Variants in B4GALT4 observed in about 807,000 individuals in gnomAD.
The protein encoded by B4GALT4 is N-acetyllactosamine synthase.
In B4GALT4, 27 loss-of-function variants were observed where a neutral mutation model predicts 37.3. The observed-to-expected ratio is 0.72, with a 90% CI of 0.53 to 1.00. The LOEUF (loss-of-function observed/expected upper bound fraction) is 1.00. Ranked by LOEUF, B4GALT4 falls within the 50% of genes least tolerant of loss-of-function variation. The probability of loss-of-function intolerance (pLI) is 0.00; values close to 1 mark genes in which losing one functional copy is unlikely to be tolerated. For missense variants in B4GALT4, 372 were observed against 413.1 expected, an observed-to-expected ratio of 0.90 and a Z score of 0.86; for synonymous variants, 148 against 154.1, an observed-to-expected ratio of 0.96 and a Z score of 0.29.
intron 5 of B4GALT4, among the ~76,000 whole-genome samples, chr3:119,222,819 T>G (rs1446136250): frequency 6.6e-6 from 1 of 152,200 alleles, no homozygotes; most frequent in Non-Finnish European, 1.5e-5. Flanking sequence ...CCCTTCAAGG[T>G]GTTTCTTAAA....
intron 3 of B4GALT4, among the ~76,000 whole-genome samples, chr3:119,228,136 T>C (rs1402685514): frequency 1.3e-5 from 2 of 152,236 alleles, no homozygotes. Flanking sequence ...ATGGGGTAGC[T>C]GTTGAGATGG....
chr3:119,238,634 C>G (rs2079056538), intron 1 of B4GALT4, among the ~76,000 whole-genome samples: 1 of 152,098 alleles, frequency 6.6e-6, no homozygotes, highest in African/African-American at 2.4e-5. Context: ...TTATTCATCT[C>G]TTACTGTGCC....
chr3:119,225,203 C>T (rs2078570960), intron 4 of B4GALT4, among the ~76,000 whole-genome samples: 1 of 152,164 alleles, frequency 6.6e-6, no homozygotes, highest in African/African-American at 2.4e-5. Flanking sequence ...TAAAAGAACA[C>T]AGTTTGACCT....
intron 1 of B4GALT4, among the ~76,000 whole-genome samples, chr3:119,238,386 G>A (rs1012300547): frequency 6.6e-6 from 1 of 151,878 alleles, no homozygotes; most frequent in East Asian, 1.9e-4. Flanking sequence ...ACAGTATTAG[G>A]AGAAAACTTC....
chr3:119,236,152 C>T (rs1419237495), intron 2 of B4GALT4: 1 of 152,126 alleles, frequency 6.6e-6, no homozygotes, highest in African/African-American at 2.4e-5. Context: ...CAATCGCTCA[C>T]CACAAGTTCA....
chr3:119,220,971 G>A (rs1222377873), intron 5 of B4GALT4, among the ~76,000 whole-genome samples: 2 of 149,404 alleles, frequency 1.3e-5, no homozygotes, highest in African/African-American at 2.5e-5. Flanking sequence ...GGGCAACAGA[G>A]TGAGACTCTG....
intron 1 of B4GALT4, among the ~76,000 whole-genome samples, chr3:119,239,655 G>A (rs1428455595): frequency 6.6e-6 from 1 of 152,140 alleles, no homozygotes; most frequent in Non-Finnish European, 1.5e-5. Flanking sequence ...AGATTATGTA[G>A]TCAAACAGTT....
intron 1 of B4GALT4, among the ~76,000 whole-genome samples, chr3:119,239,772 C>A (rs7637021): frequency 0.28 from 42,207 of 151,902 alleles, 5,995 homozygotes; most frequent in Non-Finnish European, 0.28. Flanking sequence ...CCATAAAGAA[C>A]AAACCTGCTC....
In B4GALT4 at chr3:119,212,381, T is replaced by C; in HGVS notation, c.*168A>G. ...GAAAGCTGTCTTGTTACAACTGTTT[T>C]ATACTCTACATCACCAGGAGCTCTG... is the stretch of plus-strand genomic sequence containing the variant. On this transcript the variant is annotated 3_prime_UTR_variant, in exon 8 of 8. Transcript: ENST00000393765. The C allele has an allele frequency of 1.5e-6, 1 of 667,640 alleles. No individual in the cohort carries two copies. The highest frequency in any genetic ancestry group is 2.6e-6 in the Non-Finnish European group (1 of 392,090). 41.4% of individuals were successfully genotyped at this position (667,640 alleles called of 1,614,324 possible).
At chr3:119,240,354 G>C (rs2079116498) in intron 1 of B4GALT4, 1 of 152,218 alleles carries the variant, frequency 6.6e-6, no homozygotes. Flanking sequence ...TAATCCAGGT[G>C]ACCAACCCCT....
rs1460206603 is a variant in B4GALT4 at position 119,216,317 on chromosome 3, G to A, written c.825C>T (p.Ser275=). The A allele has an allele frequency of 2.3e-5, 37 of 1,613,286 alleles. No homozygotes were observed. Among genetic ancestry groups the A allele is most frequent in the Non-Finnish European group, 2.9e-5 (34 of 1,179,706 alleles). ...LRVELQRMKI[S]RPLPEVGKYT... The stretch of plus-strand genomic sequence containing the variant: ...ATTTACCCACTTCAGGCAGGGGCCG[G>A]GAAATTTTCATTCTTTGGAGCTCAA... Residue 275 remains serine (S), a synonymous_variant, in exon 7 of 8, where the codon TCC becomes TCT. Transcript: ENST00000393765.
chr3:119,226,940 T>C lies in B4GALT4; in HGVS notation c.355A>G (p.Lys119Glu), dbSNP rs2078638605. The change falls in exon 4 of 8, where the codon AAA becomes GAA. Residue 119 changes from lysine (K) to glutamate (E), a missense_variant. Transcript: ENST00000393765. Reference protein sequence around the residue: ...SRGRYRPQECKALQRVAILVP... With the variant: ...SRGRYRPQECEALQRVAILVP... ...AGGATGGCGACCCTCTGTAAAGCTT[T>C]ACATTCCTGAGGGCGATACCGGCCT... 1 of 1,614,160 alleles carries C rather than the reference T, an allele frequency of 6.2e-7. No individual in the cohort carries two copies. Among genetic ancestry groups the C allele is most frequent in the South Asian group, 1.1e-5 (1 of 91,086 alleles).
intron 1 of B4GALT4, among the ~76,000 whole-genome samples, chr3:119,238,192 G>A (rs951049026): frequency 2.8e-4 from 43 of 151,374 alleles, no homozygotes; most frequent in African/African-American, 8.5e-4. Flanking sequence ...ACCTGAACCC[G>A]GGAGGCGGAG....
chr3:119,220,500 G>C (rs1453605535), intron 5 of B4GALT4, among the ~76,000 whole-genome samples: 1 of 152,238 alleles, frequency 6.6e-6, no homozygotes. Flanking sequence ...AACATTATCA[G>C]GGTTCTGAGG....
At chr3:119,213,698 C>CA (rs1166383811) in intron 7 of B4GALT4, 1 of 152,144 alleles carries the variant, frequency 6.6e-6, no homozygotes, top group Non-Finnish European at 1.5e-5. Context: ...GTCATGCACT[C>CA]AAAGTGGGGG....
chr3:119,212,735 T>C, intron 7 of B4GALT4, 54 bp from the exon 8 acceptor site: 4 of 1,493,260 alleles, frequency 2.7e-6, no homozygotes, highest in African/African-American at 1.4e-5. Flanking sequence ...ATGTCTCCAC[T>C]GCATTTTGCC....
In B4GALT4 at chr3:119,224,182, C is replaced by A. The variant is rs745832698; in HGVS notation, c.550G>T (p.Glu184Ter). Residue 184 changes from glutamate to a stop codon, truncating the protein, a stop_gained, in exon 5 of 8, where the codon GAA becomes TAA. Coordinates refer to ENST00000393765, the MANE Select transcript of B4GALT4 (RefSeq NM_003778.4). LOFTEE classifies it high-confidence loss of function. ...LNVGYLEALKEENWDCFIFHD... is the reference protein window; with the variant it reads ...LNVGYLEALK ...AATATAAAGCAGTCCCAATTTTCTT[C>A]CTTGAGGGCTTCTAGATAGCCCACA... 1 of 1,613,964 alleles carries A rather than the reference C, an allele frequency of 6.2e-7. No individual in the cohort carries two copies. The highest frequency in any genetic ancestry group is 1.1e-5 in the South Asian group (1 of 91,028).
intron 1 of B4GALT4, among the ~76,000 whole-genome samples, chr3:119,237,299 A>G (rs986868494): frequency 2.0e-5 from 3 of 152,156 alleles, no homozygotes; most frequent in African/African-American, 7.2e-5. Context: ...AAGCTCTGAG[A>G]TCATGGGTAT....
Position 119,217,583 on chromosome 3 carries a change from G to A in B4GALT4, c.797+1067C>T, listed in dbSNP as rs1021399450. Among the ~76,000 whole-genome samples the A allele has an allele frequency of 2.0e-5, 3 of 152,176 alleles. No individual in the cohort carries two copies. The East Asian group carries it at 5.8e-4, about 29-fold the overall frequency. ...CAGCCAGGCACAGTGGCTCACACCT[G>A]TAATCCCAACACTTTGGGAGGCCAA... On this transcript the variant is annotated intron_variant, in intron 6 of 7. Coordinates refer to ENST00000393765, the MANE Select transcript of B4GALT4 (RefSeq NM_003778.4).
Sources: gnomAD v4.1 joint callset for allele counts (sites outside exome capture counted in the v4.1 genomes callset) on GRCh38, gnomAD v4.1.1 for gene constraint, MANE v1.5 for transcripts, NCBI Gene and HGNC (gene_info 2026-07-23, HGNC 2026-07-21) for gene names.